ANAPC7: variants seen among roughly 807,000 people sequenced by gnomAD.
The protein encoded by ANAPC7 is anaphase-promoting complex subunit 7.
Under a neutral mutation model 63.3 loss-of-function variants are expected in ANAPC7, and 25 were observed. That is an observed-to-expected ratio of 0.39 (90% CI 0.29 to 0.55). ANAPC7 has a LOEUF of 0.55. ANAPC7 is among the 20% of genes least tolerant of loss of function. The pLI, the probability that ANAPC7 is intolerant of heterozygous loss-of-function variation, is 0.57. For synonymous variants in ANAPC7, 241 were observed against 251.7 expected (o/e 0.96, Z 0.40); for missense variants, 516 against 691.7 (o/e 0.75, Z 2.85).
In ANAPC7 at chr12:110,385,902, C is replaced by T. The variant is rs755697659; in HGVS notation, c.817+425G>A. Among the ~76,000 whole-genome samples, 10 of 152,130 alleles carry T rather than the reference C, an allele frequency of 6.6e-5. No individual in the cohort carries two copies. In the East Asian group the frequency reaches 7.7e-4, roughly 12 times the overall value. On this transcript the variant is annotated intron_variant, in intron 6 of 10. Coordinates refer to ENST00000455511, the MANE Select transcript of ANAPC7 (RefSeq NM_016238.3). ...AGATCAGTGATTTTTCTGTTGTTCA[C>T]GCCTAATTACTGCCTTTAATCACCT...
intron 5 of ANAPC7, 88 bp downstream of exon 5, chr12:110,387,651 T>C (rs1454921074): frequency 1.4e-6 from 2 of 1,465,736 alleles, no homozygotes; most frequent in Non-Finnish European, 1.9e-6. Flanking sequence ...GCAAAGCATC[T>C]CATTTTTCTT....
rs749261920 is a variant in ANAPC7 at position 110,403,649 on chromosome 12, C to T, written c.-22G>A. ...TCATCCTGCTCTGCAAAGCCGCGGG[C>T]AGCGGCGGCAGCACTGACTCGAAAA... On this transcript the variant is annotated 5_prime_UTR_variant, in exon 1 of 11. Transcript: ENST00000455511. The T allele has an allele frequency of 6.4e-6, 10 of 1,574,718 alleles. No homozygotes were observed. Among genetic ancestry groups the T allele is most frequent in the Non-Finnish European group, 8.6e-6 (10 of 1,159,600 alleles).
intron 1 of ANAPC7, among the ~76,000 whole-genome samples, chr12:110,402,672 G>A (rs2062249003): frequency 1.3e-5 from 2 of 151,878 alleles, no homozygotes; most frequent in African/African-American, 4.8e-5. Flanking sequence ...ATGCACTCAA[G>A]GATGGAATCA....
chr12:110,387,630 C>T, intron 5 of ANAPC7, 109 bp downstream of exon 5: 1 of 1,303,204 alleles, frequency 7.7e-7, no homozygotes, highest in Non-Finnish European at 1.1e-6. Context: ...AGACTGGCTG[C>T]AGCACCAACA....
At chr12:110,389,501 G>C (rs1296632169) in intron 3 of ANAPC7, among the ~76,000 whole-genome samples, 4 of 152,172 alleles carry the variant, frequency 2.6e-5, no homozygotes, top group African/African-American at 4.8e-5. Flanking sequence ...ACTCACTAAA[G>C]TAATGCTACA....
rs1209798741 is a variant in ANAPC7, at chr12:110,373,588, T to G, written c.*556A>C. 6.6e-6 allele frequency: 1 copy of G among 152,284 alleles called. No individual in the cohort carries two copies. The highest frequency in any genetic ancestry group is 1.5e-5 in the Non-Finnish European group (1 of 68,114). 9.4% of individuals were successfully genotyped at this position (152,284 alleles called of 1,614,324 possible). ...CCAGGCTCAGAGGCAAGTTACTAGCTAAGCAAAGAGGAAAACTGTTCTGCA... is the reference window on the plus strand; with the variant it reads ...CCAGGCTCAGAGGCAAGTTACTAGCGAAGCAAAGAGGAAAACTGTTCTGCA... On this transcript the variant is annotated 3_prime_UTR_variant, in exon 11 of 11. Transcript: ENST00000455511.
At chr12:110,396,893 T>C (rs569035903) in intron 1 of ANAPC7, among the ~76,000 whole-genome samples, 1 of 152,146 alleles carries the variant, frequency 6.6e-6, no homozygotes, top group South Asian at 2.1e-4. Context: ...CCTCACCACT[T>C]TGAATCCTTT....
At chr12:110,393,015 G>C (rs541445766) in intron 3 of ANAPC7, among the ~76,000 whole-genome samples, 1 of 151,944 alleles carries the variant, frequency 6.6e-6, no homozygotes, top group African/African-American at 2.4e-5. Flanking sequence ...AGCTGGTCTC[G>C]AACTCCCAAC....
chr12:110,396,360 T>G lies in ANAPC7; in HGVS notation c.194A>C (p.Lys65Thr). 6.2e-7 allele frequency: 1 copy of G among 1,613,988 alleles called. No individual in the cohort carries two copies. The highest frequency in any genetic ancestry group is 2.2e-5 in the East Asian group (1 of 44,884). ...HDKEYRNAVS[K>T]YTMALQQKKA... ...CTTCTGCTGTAAAGCCATGGTATAC[T>G]TACTCACAGCATTCCGATATTCCTT... The change falls in exon 2 of 11, where the codon AAG becomes ACG. Residue 65 changes from lysine (K) to threonine (T), a missense_variant. Physicochemically the swap from Lys to Thr is moderately conservative, Grantham distance 78. This residue lies in a region of ANAPC7 where 185 missense variants were observed against 200.3 expected (regional missense o/e 0.92). Transcript: ENST00000455511.
intron 1 of ANAPC7, among the ~76,000 whole-genome samples, chr12:110,402,197 AT>A: frequency 6.6e-6 from 1 of 152,132 alleles, no homozygotes; most frequent in East Asian, 1.9e-4. Flanking sequence ...AAATAAACAA[AT>A]AAAAACAAAT....
At chr12:110,378,055 G>C in intron 8 of ANAPC7, 1 of 200,236 alleles carries the variant, frequency 5.0e-6, no homozygotes. Context: ...GTCACCTGTA[G>C]GGCTAGGTTT....
intron 3 of ANAPC7, among the ~76,000 whole-genome samples, chr12:110,391,320 T>G (rs1203573118): frequency 6.6e-6 from 1 of 152,216 alleles, no homozygotes; most frequent in East Asian, 1.9e-4. Flanking sequence ...AAATTCTATG[T>G]TGGTATGTTT....
intron 1 of ANAPC7, among the ~76,000 whole-genome samples, chr12:110,399,178 G>A (rs1484123879): frequency 2.0e-5 from 3 of 151,392 alleles, no homozygotes; most frequent in African/African-American, 4.8e-5. Context: ...CTGCCACCTC[G>A]CCCAGCTAAT....
chr12:110,394,837 C>G (rs887054953), intron 3 of ANAPC7, among the ~76,000 whole-genome samples: 21 of 151,896 alleles, frequency 1.4e-4, no homozygotes, highest in African/African-American at 4.6e-4. Context: ...CAGTGAGACT[C>G]TGTCTCAAAA....
At chr12:110,384,489 C>A (rs1050059957) in intron 6 of ANAPC7, among the ~76,000 whole-genome samples, 1 of 151,820 alleles carries the variant, frequency 6.6e-6, no homozygotes, top group Non-Finnish European at 1.5e-5. Flanking sequence ...AATTCAAGAC[C>A]AGCCTGGCCA....
In ANAPC7 at chr12:110,388,681, C is replaced by G. The variant is rs375521345; in HGVS notation, c.409-58G>C. ...AGCGTATATTGCAAAGAAAATCTCT[C>G]ACCATGAAAAAGTCCTAATTTTCAT... is the stretch of plus-strand genomic sequence containing the variant. On this transcript the variant is annotated intron_variant, in intron 3 of 10. Coordinates refer to ENST00000455511, the MANE Select transcript of ANAPC7 (RefSeq NM_016238.3). 1.4e-5 allele frequency: 19 copies of G among 1,316,866 alleles called. No individual in the cohort carries two copies. The South Asian group carries it at 2.1e-4, about 14-fold the overall frequency. 81.6% of individuals were successfully genotyped at this position (1,316,866 alleles called of 1,614,324 possible). A position where few individuals can be genotyped will look rare whatever the true frequency, so the allele number is the denominator to read the frequency against.
chr12:110,387,761 A>G lies in ANAPC7; in HGVS notation c.652T>C (p.Ser218Pro). ...AYAFVHTGDN[S>P]RAISTICSLE... Reference sequence around the variant, plus strand: ...CACCAGATGGTACTGATTGCTCTTGAGTTGTCACCAGTGTGCACAAAAGCA... The same window carrying G: ...CACCAGATGGTACTGATTGCTCTTGGGTTGTCACCAGTGTGCACAAAAGCA... Residue 218 changes from serine to proline, a missense_variant, in exon 5 of 11, where the codon TCA becomes CCA. Ser to Pro is a moderately conservative substitution (Grantham distance 74). Coordinates refer to ENST00000455511, the MANE Select transcript of ANAPC7 (RefSeq NM_016238.3). The G allele has an allele frequency of 6.2e-7, 1 of 1,613,820 alleles. No individual in the cohort carries two copies. Among genetic ancestry groups the G allele is most frequent in the Non-Finnish European group, 8.5e-7 (1 of 1,179,756 alleles).
At chr12:110,403,495 T>TCAGCCC in intron 1 of ANAPC7, 32 bp downstream of exon 1, 1 of 1,556,826 alleles carries the variant, frequency 6.4e-7, no homozygotes, top group Non-Finnish European at 8.7e-7. Flanking sequence ...CGCTTTCTCC[T>TCAGCCC]CAGCCCCAGG....
chr12:110,396,262 T>G lies in ANAPC7; in HGVS notation c.288+4A>C. ...AAAAAAATCACAATTCTATCTCCAA[T>G]TACCTGACTTTGTGGAGTAGATGCA... On this transcript the variant is annotated splice_donor_region_variant and intron_variant, in intron 2 of 10. Transcript: ENST00000455511. 1 of 1,587,254 alleles carries G rather than the reference T, an allele frequency of 6.3e-7. No individual in the cohort carries two copies. The highest frequency in any genetic ancestry group is 1.4e-5 in the African/African-American group (1 of 73,732).
Sources: allele counts gnomAD v4.1 joint callset (sites outside exome capture counted in the v4.1 genomes callset), GRCh38; gene constraint gnomAD v4.1.1; regional missense constraint gnomAD v4.1.1; transcripts MANE v1.5; gene names NCBI Gene and HGNC (gene_info 2026-07-23, HGNC 2026-07-21).